BCAT1: variants seen among roughly 807,000 people sequenced by gnomAD.
The protein encoded by BCAT1 is branched-chain-amino-acid aminotransferase, cytosolic.
BCAT1 carries 48 observed loss-of-function variants against 52.4 expected under a neutral mutation model. The ratio of observed to expected loss-of-function variants is 0.92; its 90% CI spans 0.73 to 1.16. BCAT1 has a LOEUF of 1.16. Among genes scored for constraint, BCAT1 ranks in the 50% most tolerant of loss-of-function variants. BCAT1 has a pLI of 0.00. For missense variants in BCAT1, 451 were observed against 457.1 expected (o/e 0.99, Z 0.12); for synonymous variants, 167 against 161.3 (o/e 1.04, Z -0.27).
intron 1 of BCAT1, among the ~76,000 whole-genome samples, chr12:24,942,131 C>T (rs1030730668): frequency 3.3e-5 from 5 of 152,054 alleles, no homozygotes; most frequent in South Asian, 2.1e-4. Context: ...ATAATTCAAG[C>T]GAGAAGTAAT....
At chr12:24,832,103 T>C (rs1384825900) in intron 9 of BCAT1, among the ~76,000 whole-genome samples, 1 of 152,194 alleles carries the variant, frequency 6.6e-6, no homozygotes, top group Non-Finnish European at 1.5e-5. Context: ...TATTTGCCAT[T>C]CCTAATCCAG....
chr12:24,883,596 TTAAAC>T (rs1942567224), intron 3 of BCAT1, among the ~76,000 whole-genome samples: 1 of 152,130 alleles, frequency 6.6e-6, no homozygotes, highest in Non-Finnish European at 1.5e-5. Flanking sequence ...AATAAATTAA[TTAAAC>T]TAAATTAAAT....
intron 1 of BCAT1, among the ~76,000 whole-genome samples, chr12:24,914,036 GCAGGAGCCCAACATTCCC>G (rs1175381884): frequency 6.6e-6 from 1 of 151,900 alleles, no homozygotes; most frequent in Non-Finnish European, 1.5e-5. Flanking sequence ...AGACAGGAGA[GCAGGAGCCCAACATTCCC>G]CAGTTGAGAA....
chr12:24,861,589 G>A (rs889406274), intron 5 of BCAT1, among the ~76,000 whole-genome samples: 2 of 152,166 alleles, frequency 1.3e-5, no homozygotes, highest in African/African-American at 4.8e-5. Context: ...ATCATCACCT[G>A]TATTCAGCCA....
At chr12:24,850,948 A>C (rs1230760606) in intron 5 of BCAT1, among the ~76,000 whole-genome samples, 1 of 152,224 alleles carries the variant, frequency 6.6e-6, no homozygotes, top group East Asian at 1.9e-4. Context: ...TATAAATAAC[A>C]AAGATAGAAG....
At chr12:24,920,804 T>G (rs1307392469) in intron 1 of BCAT1, among the ~76,000 whole-genome samples, 2 of 152,240 alleles carry the variant, frequency 1.3e-5, no homozygotes, top group Non-Finnish European at 2.9e-5. Flanking sequence ...AGGTTTCAAG[T>G]TGGGGTTGCC....
Position 24,811,819 on chromosome 12 carries a change from T to A in BCAT1, c.*6189A>T, listed in dbSNP as rs17371571. ...AGTACAATAGTAATTGCAATCAGATTCAGATACAAGAGAACAGGTTCTAAC... is the reference window on the plus strand; with the variant it reads ...AGTACAATAGTAATTGCAATCAGATACAGATACAAGAGAACAGGTTCTAAC... On this transcript the variant is annotated 3_prime_UTR_variant, in exon 11 of 11. Coordinates refer to ENST00000261192, the MANE Select transcript of BCAT1 (RefSeq NM_005504.7). The A allele has an allele frequency of 6.6e-6, 1 of 152,158 alleles. No homozygotes were observed. Among genetic ancestry groups the A allele is most frequent in the African/African-American group, 2.4e-5 (1 of 41,460 alleles). The allele number at this position is 152,158 out of a possible 1,614,324, so 9.4% of individuals were successfully genotyped here. A position where few individuals can be genotyped will look rare whatever the true frequency, so the allele number is the denominator to read the frequency against.
Position 24,810,036 on chromosome 12 carries a change from CAATT to C in BCAT1, c.*7968_*7971del, listed in dbSNP as rs1216685712. ...AACAGTCAACATGAATCTTCCAACT[CAATT>C]TATTTGTTTCAGCTCACGAACTTTT... is the stretch of plus-strand genomic sequence containing the variant. On this transcript the variant is annotated 3_prime_UTR_variant, in exon 11 of 11. Transcript: ENST00000261192. The C allele has an allele frequency of 1.3e-5, 2 of 152,314 alleles. No homozygotes were observed. The highest frequency in any genetic ancestry group is 2.9e-5 in the Non-Finnish European group (2 of 68,036). The allele number at this position is 152,314 out of a possible 1,614,324, so 9.4% of individuals were successfully genotyped here.
intron 3 of BCAT1, among the ~76,000 whole-genome samples, chr12:24,886,145 C>T (rs1942657021): frequency 6.6e-6 from 1 of 152,232 alleles, no homozygotes. Context: ...GAGCTGGGAA[C>T]CGTGGCTCAC....
chr12:24,849,378 G>C (rs1941434041), intron 6 of BCAT1, among the ~76,000 whole-genome samples: 2 of 152,216 alleles, frequency 1.3e-5, no homozygotes, highest in South Asian at 4.1e-4. Flanking sequence ...GGAGCCAACT[G>C]AGAGCCTGGG....
At chr12:24,876,512 C>CA (rs1399577022) in intron 5 of BCAT1, among the ~76,000 whole-genome samples, 1 of 151,836 alleles carries the variant, frequency 6.6e-6, no homozygotes, top group Non-Finnish European at 1.5e-5. Flanking sequence ...TCAAGAGATT[C>CA]AAAAAAAGCA....
Position 24,815,377 on chromosome 12 carries a change from GCAA to G in BCAT1, c.*2628_*2630del, listed in dbSNP as rs879069603. On this transcript the variant is annotated 3_prime_UTR_variant, in exon 11 of 11. Coordinates refer to ENST00000261192, the MANE Select transcript of BCAT1 (RefSeq NM_005504.7). ...ATTGCAGCCAATTATGCAAATATCA[GCAA>G]CAATATTAATTTGTTGATCTTTTTG... 6.6e-6 allele frequency: 1 copy of G among 152,578 alleles called. No homozygotes were observed. The highest frequency in any genetic ancestry group is 2.1e-4 in the South Asian group (1 of 4,828). The allele number at this position is 152,578 out of a possible 1,614,324, so 9.5% of individuals were successfully genotyped here.
At chr12:24,938,268 G>A (rs1202422729) in intron 1 of BCAT1, among the ~76,000 whole-genome samples, 3 of 152,178 alleles carry the variant, frequency 2.0e-5, no homozygotes, top group Non-Finnish European at 1.5e-5. Context: ...AGCCCTGGAT[G>A]AGGGACAGAG....
intron 1 of BCAT1, among the ~76,000 whole-genome samples, chr12:24,921,495 A>G (rs1010693611): frequency 1.3e-5 from 2 of 152,150 alleles, no homozygotes; most frequent in Non-Finnish European, 2.9e-5. Context: ...ACTTAGAAAA[A>G]ACTGCTATGG....
At chr12:24,871,194 G>A (rs975548734) in intron 5 of BCAT1, among the ~76,000 whole-genome samples, 1 of 152,124 alleles carries the variant, frequency 6.6e-6, no homozygotes, top group Non-Finnish European at 1.5e-5. Context: ...TACCTTCTTG[G>A]GGTGGAAGTG....
intron 3 of BCAT1, among the ~76,000 whole-genome samples, chr12:24,887,493 G>T (rs1461590623): frequency 6.6e-6 from 1 of 151,228 alleles, no homozygotes; most frequent in African/African-American, 2.4e-5. Flanking sequence ...CAAAACTATA[G>T]TGTTAAGAAT....
At position 24,947,689 on chromosome 12, in the gene BCAT1, G is replaced by C. The variant is rs376721537; in HGVS notation, c.6+1238C>G. 3.0e-4 allele frequency among the ~76,000 whole-genome samples: 46 copies of C among 152,240 alleles called. No individual in the cohort carries two copies. In the South Asian group the frequency reaches 9.5e-3, roughly 32 times the overall value. On this transcript the variant is annotated intron_variant, in intron 1 of 10. Coordinates refer to ENST00000261192, the MANE Select transcript of BCAT1 (RefSeq NM_005504.7). Reference sequence around the variant, plus strand: ...TAAAAGTATCTTGTGGAAGGGACAGGGGTTTTTGGACCTACAAAAACGCGT... The same window carrying C: ...TAAAAGTATCTTGTGGAAGGGACAGCGGTTTTTGGACCTACAAAAACGCGT...
rs534183262 is a variant in BCAT1, at chr12:24,894,131, G to A, written c.279+144C>T. 4.3e-6 allele frequency: 3 copies of A among 703,998 alleles called. No individual in the cohort carries two copies. In the South Asian group the frequency reaches 7.4e-5, roughly 17 times the overall value. 43.6% of individuals were successfully genotyped at this position (703,998 alleles called of 1,614,324 possible). A position where few individuals can be genotyped will look rare whatever the true frequency, so the allele number is the denominator to read the frequency against. ...TTTATCTTCAATCCAACTGTCTATA[G>A]GAAAACTTTTAAAGACATTTTCGGC... On this transcript the variant is annotated intron_variant, in intron 3 of 10. Transcript: ENST00000261192.
intron 2 of BCAT1, among the ~76,000 whole-genome samples, chr12:24,898,519 A>ATTTTTTT (rs1591853913): frequency 4.2e-5 from 1 of 24,046 alleles, no homozygotes; most frequent in Admixed American, 5.5e-4. Flanking sequence ...TTCAGTCAAC[A>ATTTTTTT]CTTTTTTTTT....
Sources: allele counts gnomAD v4.1 joint callset (sites outside exome capture counted in the v4.1 genomes callset), GRCh38; gene constraint gnomAD v4.1.1; transcripts MANE v1.5; gene names NCBI Gene and HGNC (gene_info 2026-07-23, HGNC 2026-07-21).